The following FSTL4 variants were observed in gnomAD, a reference collection of about 807,000 sequenced individuals.
The protein encoded by FSTL4 is follistatin-related protein 4.
A neutral mutation model predicts 78.2 loss-of-function variants in FSTL4; 28 were observed. That is an observed-to-expected ratio of 0.36 (90% confidence interval 0.27 to 0.49). FSTL4 has a LOEUF of 0.49. Ranked by LOEUF, FSTL4 falls within the 20% of genes least tolerant of loss-of-function variation. The pLI, the probability that FSTL4 is intolerant of heterozygous loss-of-function variation, is 0.98. For missense variants in FSTL4, 922 were observed against 1,084.9 expected, an observed-to-expected ratio of 0.85 and a Z score of 2.11; for synonymous variants, 422 against 440.5, an observed-to-expected ratio of 0.96 and a Z score of 0.53.
the FSTL4 span, among the ~76,000 whole-genome samples, chr5:133,794,102 C>T: frequency 1.5e-4 from 23 of 152,130 alleles, no homozygotes; most frequent in Non-Finnish European, 4.4e-5. Context: ...TGGGGCTGCA[C>T]CTCTGGAGCT....
chr5:133,816,822 T>C, the FSTL4 span, among the ~76,000 whole-genome samples: 3 of 152,222 alleles, frequency 2.0e-5, no homozygotes, highest in African/African-American at 4.8e-5. Context: ...ACCTGAGCTC[T>C]GGAGACTTGG....
chr5:133,252,762 C>G (rs892265869), intron 6 of FSTL4, among the ~76,000 whole-genome samples: 3 of 152,032 alleles, frequency 2.0e-5, no homozygotes, highest in African/African-American at 4.8e-5. Flanking sequence ...ATATTCCAAG[C>G]GGCTCTAGAG....
intron 6 of FSTL4, among the ~76,000 whole-genome samples, chr5:133,255,395 T>G (rs1462758785): frequency 2.6e-5 from 4 of 152,026 alleles, no homozygotes; most frequent in African/African-American, 9.7e-5. Flanking sequence ...GGCAAGGGAG[T>G]TGGGGGGTTC....
intron 4 of FSTL4, among the ~76,000 whole-genome samples, chr5:133,333,779 C>T (rs1754401837): frequency 6.6e-6 from 1 of 152,208 alleles, no homozygotes; most frequent in South Asian, 2.1e-4. Flanking sequence ...CGCAGGGCCT[C>T]CTGCATCAGG....
At chr5:133,762,123 T>G in the FSTL4 span, among the ~76,000 whole-genome samples, 1 of 152,142 alleles carries the variant, frequency 6.6e-6, no homozygotes, top group Non-Finnish European at 1.5e-5. Context: ...ATTTTCTCTC[T>G]TCACTAGTAT....
chr5:133,548,614 G>T (rs1046465670), intron 3 of FSTL4, among the ~76,000 whole-genome samples: 1 of 152,124 alleles, frequency 6.6e-6, no homozygotes, highest in African/African-American at 2.4e-5. Context: ...AACACTACTG[G>T]CATTAGCAGA....
At chr5:133,702,478 T>C in the FSTL4 span, among the ~76,000 whole-genome samples, 3 of 151,854 alleles carry the variant, frequency 2.0e-5, no homozygotes, top group Non-Finnish European at 4.4e-5. Context: ...CTGTGCTCCA[T>C]GGGGCCCCCG....
the FSTL4 span, among the ~76,000 whole-genome samples, chr5:133,626,083 T>C: frequency 2.8e-5 from 2 of 70,210 alleles, no homozygotes; most frequent in Non-Finnish European, 4.9e-5. Context: ...ATATATTCCA[T>C]ATATATATAT....
the FSTL4 span, among the ~76,000 whole-genome samples, chr5:133,712,054 G>T: frequency 6.6e-6 from 1 of 152,224 alleles, no homozygotes; most frequent in Middle Eastern, 3.4e-3. Flanking sequence ...TCCCCAGGCC[G>T]CCCAAGAACA....
At chr5:133,250,351 T>A (rs75519156) in intron 6 of FSTL4, among the ~76,000 whole-genome samples, 1,888 of 152,246 alleles carry the variant, frequency 0.012, 44 homozygotes, top group African/African-American at 0.043. Flanking sequence ...CCAAATGGGA[T>A]CAGGCTTTGG....
At chr5:133,238,002 C>T (rs1018432728) in intron 7 of FSTL4, among the ~76,000 whole-genome samples, 1 of 152,132 alleles carries the variant, frequency 6.6e-6, no homozygotes, top group African/African-American at 2.4e-5. Context: ...ATGGTTCTCA[C>T]CTTTTAAAAA....
At chr5:133,309,802 A>C (rs1753735026) in intron 6 of FSTL4, among the ~76,000 whole-genome samples, 1 of 152,186 alleles carries the variant, frequency 6.6e-6, no homozygotes, top group Non-Finnish European at 1.5e-5. Flanking sequence ...GAGTCACCCC[A>C]CAGACCTCAC....
chr5:133,453,176 A>T (rs927996247), intron 3 of FSTL4, among the ~76,000 whole-genome samples: 3 of 152,170 alleles, frequency 2.0e-5, no homozygotes, highest in Admixed American at 6.5e-5. Flanking sequence ...ACGACAACAC[A>T]GACAGTGAGA....
rs1190700286 is a variant in FSTL4 at position 133,331,144 on chromosome 5, T to C, written c.410-14492A>G. ...CGCTGAGAGGGAAAGCAGCCCCGCA[T>C]AGGTCCCGGCAGGGCCTTCTCCAGA... On this transcript the variant is annotated intron_variant, in intron 4 of 15. Transcript: ENST00000265342. 2.0e-5 allele frequency among the ~76,000 whole-genome samples: 3 copies of C among 152,264 alleles called. No homozygotes were observed. The East Asian group carries it at 5.8e-4, about 30-fold the overall frequency.
At chr5:133,672,268 T>G in the FSTL4 span, among the ~76,000 whole-genome samples, 3 of 152,266 alleles carry the variant, frequency 2.0e-5, no homozygotes, top group Admixed American at 6.5e-5. Context: ...CTCTTGCTAC[T>G]GTACTCAGTG....
chr5:133,221,658 G>A (rs1376157471), intron 11 of FSTL4, among the ~76,000 whole-genome samples: 1 of 152,100 alleles, frequency 6.6e-6, no homozygotes, highest in African/African-American at 2.4e-5. Flanking sequence ...GCTAGACCCT[G>A]GGCCCTGCAT....
At chr5:133,278,285 T>C (rs1049464720) in intron 6 of FSTL4, among the ~76,000 whole-genome samples, 4 of 152,298 alleles carry the variant, frequency 2.6e-5, no homozygotes, top group Middle Eastern at 3.4e-3. Context: ...CATGTCTGTT[T>C]GGAGCAAAGG....
At chr5:133,359,775 C>G (rs947764678) in intron 4 of FSTL4, among the ~76,000 whole-genome samples, 1 of 152,216 alleles carries the variant, frequency 6.6e-6, no homozygotes, top group Non-Finnish European at 1.5e-5. Flanking sequence ...ATTTCCTTTA[C>G]TCTTCTTTGG....
intron 5 of FSTL4, among the ~76,000 whole-genome samples, chr5:133,314,107 T>C (rs1201604041): frequency 2.0e-5 from 3 of 152,212 alleles, no homozygotes; most frequent in African/African-American, 7.2e-5. Flanking sequence ...CAAGAGCTCA[T>C]AGCAGCTTCT....
Sources: gnomAD v4.1 joint callset for allele counts (sites outside exome capture counted in the v4.1 genomes callset) on GRCh38, gnomAD v4.1.1 for gene constraint, MANE v1.5 for transcripts, NCBI Gene and HGNC (gene_info 2026-07-23, HGNC 2026-07-21) for gene names.